The following AKR1B1 variants were observed in gnomAD, a reference collection of about 807,000 sequenced individuals.
The protein encoded by AKR1B1 is aldo-keto reductase family 1 member B1.
AKR1B1 carries 22 observed loss-of-function variants against 40.4 expected under a neutral mutation model. The ratio of observed to expected loss-of-function variants is 0.54; its 90% CI spans 0.39 to 0.78. The LOEUF is 0.78. Ranked by LOEUF, AKR1B1 falls within the 30% of genes least tolerant of loss-of-function variation. The pLI is 0.00. For synonymous variants in AKR1B1, 157 were observed against 149.9 expected (o/e 1.05, Z -0.35); for missense variants, 357 against 396.7 (o/e 0.90, Z 0.85).
In AKR1B1 at chr7:134,448,077, C is replaced by T; in HGVS notation, c.660-16G>A. The T allele has an allele frequency of 6.2e-7, 1 of 1,600,988 alleles. No homozygotes were observed. The highest frequency in any genetic ancestry group is 8.5e-7 in the Non-Finnish European group (1 of 1,171,596). On this transcript the variant is annotated splice_polypyrimidine_tract_variant and intron_variant, in intron 6 of 9. Transcript: ENST00000285930. Reference sequence around the variant, plus strand: ...GGGCTTGGCCCTGAGGATAGAAAGACAGTCCAGGTCACACCATCATGGCCA... The same window carrying T: ...GGGCTTGGCCCTGAGGATAGAAAGATAGTCCAGGTCACACCATCATGGCCA...
At chr7:134,444,364 T>C (rs1806032360) in intron 9 of AKR1B1, among the ~76,000 whole-genome samples, 1 of 152,252 alleles carries the variant, frequency 6.6e-6, no homozygotes, top group African/African-American at 2.4e-5. Context: ...GGACGCAGAC[T>C]GGGCAAACAT....
intron 4 of AKR1B1, 71 bp downstream of exon 4, chr7:134,449,649 G>T (rs2117454793): frequency 8.4e-7 from 1 of 1,183,776 alleles, no homozygotes; most frequent in Non-Finnish European, 1.3e-6. Flanking sequence ...GTGAGAAATG[G>T]CAGGCAGATT....
At chr7:134,453,427 G>A (rs1806356016) in intron 1 of AKR1B1, among the ~76,000 whole-genome samples, 1 of 152,182 alleles carries the variant, frequency 6.6e-6, no homozygotes, top group Non-Finnish European at 1.5e-5. Flanking sequence ...CTGCAGGAAA[G>A]TGGAGGGAGG....
chr7:134,448,925 C>G (rs370691275), intron 5 of AKR1B1, 72 bp downstream of exon 5: 3 of 1,602,098 alleles, frequency 1.9e-6, no homozygotes, highest in Non-Finnish European at 2.6e-6. Flanking sequence ...GTGAGGTGGA[C>G]GAGAAATCCC....
chr7:134,442,705 G>T lies in AKR1B1; in HGVS notation c.*23C>A. 2 of 1,613,336 alleles carry T rather than the reference G, an allele frequency of 1.2e-6. No individual in the cohort carries two copies. Among genetic ancestry groups the T allele is most frequent in the South Asian group, 2.2e-5 (2 of 91,020 alleles). On this transcript the variant is annotated 3_prime_UTR_variant, in exon 10 of 10. Coordinates refer to ENST00000285930, the MANE Select transcript of AKR1B1 (RefSeq NM_001628.4). ...AAGAAACACAGGTATAGGTCACTTG[G>T]GGACGAGCAGGCAACCACAGCTTCA...
chr7:134,446,682 G>A (rs1177187458), intron 8 of AKR1B1, among the ~76,000 whole-genome samples: 2 of 151,778 alleles, frequency 1.3e-5, no homozygotes, highest in African/African-American at 2.4e-5. Flanking sequence ...CACACTGAGC[G>A]CTTCGCCAGA....
intron 3 of AKR1B1, 28 bp downstream of exon 3, chr7:134,450,758 G>T (rs751304426): frequency 3.2e-6 from 5 of 1,580,076 alleles, no homozygotes; most frequent in Non-Finnish European, 2.6e-6. Context: ...AGCCCCAAGG[G>T]ACCTGGTCTG....
At chr7:134,447,896 TCA>T in intron 7 of AKR1B1, 82 bp downstream of exon 7, 1 of 1,194,590 alleles carries the variant, frequency 8.4e-7, no homozygotes. Context: ...TGTAACAGGC[TCA>T]GTCACTTCCT....
chr7:134,454,022 T>G (rs1487134964), intron 1 of AKR1B1, among the ~76,000 whole-genome samples: 1 of 152,084 alleles, frequency 6.6e-6, no homozygotes, highest in East Asian at 1.9e-4. Context: ...GATTGACTTC[T>G]AAAAAGAAGG....
In AKR1B1 at chr7:134,448,286, G is replaced by C. The variant is rs1041486779; in HGVS notation, c.659+101C>G. ...CAAGAGGCTCAGGGGAAGTTTTGCA[G>C]ATCACCCCCAGAAACATCTTCCTTG... is the stretch of plus-strand genomic sequence containing the variant. On this transcript the variant is annotated intron_variant, in intron 6 of 9. Transcript: ENST00000285930. 1.4e-5 allele frequency: 16 copies of C among 1,158,944 alleles called. No individual in the cohort carries two copies. In the African/African-American group the frequency reaches 2.5e-4, roughly 18 times the overall value. 71.8% of individuals were successfully genotyped at this position (1,158,944 alleles called of 1,614,324 possible). A position where few individuals can be genotyped will look rare whatever the true frequency, so the allele number is the denominator to read the frequency against.
intron 3 of AKR1B1, among the ~76,000 whole-genome samples, 163 bp from the exon 4 acceptor site, chr7:134,449,960 T>C (rs1370856204): frequency 6.6e-6 from 1 of 152,212 alleles, no homozygotes; most frequent in African/African-American, 2.4e-5. Context: ...CCAACACTTC[T>C]TTATCAAACG....
chr7:134,451,937 GC>G (rs1806301561), intron 1 of AKR1B1, 184 bp from the exon 2 acceptor site: 1 of 676,628 alleles, frequency 1.5e-6, no homozygotes, highest in African/African-American at 1.8e-5. Context: ...GAAGTGAAAG[GC>G]CACACAGCAT....
At position 134,448,503 on chromosome 7, in the gene AKR1B1, C is replaced by G. The variant is rs1806178941; in HGVS notation, c.553-10G>C. On this transcript the variant is annotated splice_polypyrimidine_tract_variant and intron_variant, in intron 5 of 9. Coordinates refer to ENST00000285930, the MANE Select transcript of AKR1B1 (RefSeq NM_001628.4). The stretch of plus-strand genomic sequence containing the variant: ...ATGGGTGGCACTCAATCTGCAAATG[C>G]AAAAACAAGAGCTGATGGGAGCACT... 1 of 1,605,176 alleles carries G rather than the reference C, an allele frequency of 6.2e-7. No homozygotes were observed. Among genetic ancestry groups the G allele is most frequent in the African/African-American group, 1.3e-5 (1 of 74,682 alleles).
At chr7:134,448,296 A>T (rs76101064) in intron 6 of AKR1B1, 91 bp downstream of exon 6, 5 of 734,190 alleles carry the variant, frequency 6.8e-6, no homozygotes, top group Non-Finnish European at 6.2e-6. Context: ...GATCACCCCC[A>T]GAAACATCTT....
chr7:134,459,216 C>A, upstream of AKR1B1: 2 of 898,322 alleles, frequency 2.2e-6, no homozygotes, highest in Non-Finnish European at 3.4e-6. Flanking sequence ...GGGGGTGCCG[C>A]GGCGGCCTTC....
intron 1 of AKR1B1, among the ~76,000 whole-genome samples, chr7:134,458,252 C>T (rs1369918926): frequency 6.6e-6 from 1 of 152,068 alleles, no homozygotes; most frequent in Middle Eastern, 3.4e-3. Context: ...CTCGGGGACG[C>T]TGTGTGGTGT....
At chr7:134,449,839 A>G (rs1267009756) in intron 3 of AKR1B1, 42 bp from the exon 4 acceptor site, 5 of 1,532,348 alleles carry the variant, frequency 3.3e-6, no homozygotes, top group Middle Eastern at 1.7e-4. Flanking sequence ...ACAATCAGTA[A>G]TAGTCCTTCA....
intron 1 of AKR1B1, among the ~76,000 whole-genome samples, chr7:134,458,523 A>G (rs1806560710): frequency 6.6e-6 from 1 of 152,142 alleles, no homozygotes; most frequent in Non-Finnish European, 1.5e-5. Flanking sequence ...TTTACAAGTG[A>G]GGCAACCGGG....
At chr7:134,446,673 A>T (rs966069985) in intron 8 of AKR1B1, among the ~76,000 whole-genome samples, 3 of 151,114 alleles carry the variant, frequency 2.0e-5, no homozygotes, top group Non-Finnish European at 4.4e-5. Context: ...TCCAGCTGCC[A>T]CACTGAGCGC....
Sources: gnomAD v4.1 joint callset for allele counts (sites outside exome capture counted in the v4.1 genomes callset) on GRCh38, gnomAD v4.1.1 for gene constraint, MANE v1.5 for transcripts, NCBI Gene and HGNC (gene_info 2026-07-23, HGNC 2026-07-21) for gene names.